The following CAMK1D variants were observed in gnomAD, a reference collection of about 807,000 sequenced individuals.
The protein encoded by CAMK1D is calcium/calmodulin-dependent protein kinase type 1D.
Under a neutral mutation model 47.7 loss-of-function variants are expected in CAMK1D, and 9 were observed. That is an observed-to-expected ratio of 0.19 (90% CI 0.11 to 0.33). CAMK1D has a LOEUF of 0.33. Among genes scored for constraint, CAMK1D ranks in the 10% least tolerant of loss-of-function variants. CAMK1D has a pLI of 1.00. For synonymous variants in CAMK1D, 184 were observed against 184.9 expected (o/e 0.99, Z 0.04); for missense variants, 291 against 488.7 (o/e 0.60, Z 3.81).
At chr10:12,814,109 G>A in intron 6 of CAMK1D, 86 bp from the exon 7 acceptor site, 1 of 875,968 alleles carries the variant, frequency 1.1e-6, no homozygotes, top group Non-Finnish European at 1.9e-6. Context: ...AACTCAGTTG[G>A]TAATGTCTCT....
At chr10:12,406,814 C>T (rs539658728) in intron 1 of CAMK1D, among the ~76,000 whole-genome samples, 5 of 149,676 alleles carry the variant, frequency 3.3e-5, no homozygotes, top group East Asian at 2.0e-4. Flanking sequence ...TCCATTGCTG[C>T]GTAATAAGTC....
chr10:12,587,858 C>T (rs1331396328), intron 2 of CAMK1D, among the ~76,000 whole-genome samples: 1 of 151,890 alleles, frequency 6.6e-6, no homozygotes, highest in Non-Finnish European at 1.5e-5. Flanking sequence ...TCAATAAACC[C>T]AGAGACATAA....
rs1307680988 is a variant in CAMK1D, at chr10:12,522,337, C to T, written c.93-30888C>T. On this transcript the variant is annotated intron_variant, in intron 1 of 10. Coordinates refer to ENST00000619168, the MANE Select transcript of CAMK1D (RefSeq NM_153498.4). ...GTCTCTGGTTTTCCTAGACAGAGGA[C>T]CCTGCGGCCCTCCGCAGTGTTTGTG... Among the ~76,000 whole-genome samples, 26 of 120,112 alleles carry T rather than the reference C, an allele frequency of 2.2e-4. 5 individuals carry two copies. Among genetic ancestry groups the T allele is most frequent in the Admixed American group, 1.5e-3 (18 of 12,334 alleles). The allele number at this position is 120,112 out of a possible 152,430, so 78.8% of individuals were successfully genotyped here. A position where few individuals can be genotyped will look rare whatever the true frequency, so the allele number is the denominator to read the frequency against.
chr10:12,552,327 AG>A (rs1170431129), intron 1 of CAMK1D, among the ~76,000 whole-genome samples: 12 of 152,242 alleles, frequency 7.9e-5, no homozygotes, highest in Non-Finnish European at 1.5e-4. Flanking sequence ...TGGTTTAAAA[AG>A]GATACAAGCT....
rs80253854 is a variant in CAMK1D at position 12,737,173 on chromosome 10, C to T, written c.300-23775C>T. On this transcript the variant is annotated intron_variant, in intron 3 of 10. Transcript: ENST00000619168. ...CGCCCCCATCCATCAGCTACTGCCT[C>T]TGACCTCTCACCTCTCTCTCCTCAG... 1.4e-3 allele frequency among the ~76,000 whole-genome samples: 206 copies of T among 152,238 alleles called. 1 individual carries two copies. Among genetic ancestry groups the T allele is most frequent in the African/African-American group, 4.6e-3 (191 of 41,536 alleles).
intron 3 of CAMK1D, among the ~76,000 whole-genome samples, chr10:12,760,292 A>G (rs968260956): frequency 2.0e-5 from 3 of 152,366 alleles, no homozygotes; most frequent in South Asian, 4.1e-4. Context: ...ATACAGCATC[A>G]CTAAAACCAA....
rs990094060 is a variant in CAMK1D, at chr10:12,797,251, T to A, written c.641+6018T>A. ...TCTTGCTTTGTCACCCAGGCTGGAGTGCAGTGGTGCAATCATAGTTCAATG... is the reference window on the plus strand; with the variant it reads ...TCTTGCTTTGTCACCCAGGCTGGAGAGCAGTGGTGCAATCATAGTTCAATG... On this transcript the variant is annotated intron_variant, in intron 6 of 10. Transcript: ENST00000619168. 7.4e-5 allele frequency among the ~76,000 whole-genome samples: 11 copies of A among 148,512 alleles called. 1 individual carries two copies. The highest frequency in any genetic ancestry group is 2.1e-4 in the Admixed American group (3 of 14,382).
intron 4 of CAMK1D, among the ~76,000 whole-genome samples, chr10:12,766,071 T>C (rs1278603681): frequency 6.6e-6 from 1 of 151,206 alleles, no homozygotes; most frequent in Non-Finnish European, 1.5e-5. Context: ...GTTCAAGTGA[T>C]TCTCCTGCCT....
intron 2 of CAMK1D, among the ~76,000 whole-genome samples, chr10:12,628,815 G>C (rs1232178967): frequency 6.6e-6 from 1 of 152,070 alleles, no homozygotes; most frequent in Non-Finnish European, 1.5e-5. Flanking sequence ...ATCTTTGGCT[G>C]CCACTGACCT....
chr10:12,631,111 T>G (rs1341972278), intron 2 of CAMK1D, among the ~76,000 whole-genome samples: 2 of 152,172 alleles, frequency 1.3e-5, no homozygotes, highest in Non-Finnish European at 2.9e-5. Context: ...CAGTGATTTT[T>G]GTGTGTATAA....
intron 2 of CAMK1D, among the ~76,000 whole-genome samples, chr10:12,604,468 T>C (rs1838392574): frequency 6.6e-6 from 1 of 152,208 alleles, no homozygotes; most frequent in Admixed American, 6.5e-5. Context: ...GAAGCTGAAC[T>C]TTTGCCTCAC....
In CAMK1D at chr10:12,829,004, A is replaced by G; in HGVS notation, c.*117A>G. The G allele has an allele frequency of 1.5e-6, 1 of 689,520 alleles. No homozygotes were observed. The highest frequency in any genetic ancestry group is 1.9e-5 in the South Asian group (1 of 51,790). The allele number at this position is 689,520 out of a possible 1,614,324, so 42.7% of individuals were successfully genotyped here. ...TGCATGGTGCCCCTTCCTGCATAGG[A>G]CTGGAAGACCGAAGTTTTTTTATGG... On this transcript the variant is annotated 3_prime_UTR_variant, in exon 11 of 11. Transcript: ENST00000619168.
intron 2 of CAMK1D, among the ~76,000 whole-genome samples, chr10:12,633,485 A>G (rs979424181): frequency 1.3e-5 from 2 of 152,166 alleles, no homozygotes. Flanking sequence ...CAGCGTCCTT[A>G]TATCCCTGAG....
intron 2 of CAMK1D, among the ~76,000 whole-genome samples, chr10:12,634,761 C>T (rs1355034047): frequency 6.6e-6 from 1 of 152,074 alleles, no homozygotes; most frequent in Non-Finnish European, 1.5e-5. Flanking sequence ...TCCTGCCGGC[C>T]CATCAGCTTT....
intron 5 of CAMK1D, among the ~76,000 whole-genome samples, chr10:12,774,241 AGAT>A (rs1194768944): frequency 6.6e-6 from 1 of 152,060 alleles, no homozygotes; most frequent in Non-Finnish European, 1.5e-5. Context: ...GAAGCAGAAA[AGAT>A]GATAAGAAGT....
At chr10:12,677,238 A>G (rs867633508) in intron 3 of CAMK1D, among the ~76,000 whole-genome samples, 7 of 152,226 alleles carry the variant, frequency 4.6e-5, no homozygotes, top group Admixed American at 1.3e-4. Flanking sequence ...AGTTTTAATT[A>G]GAACACAAAT....
intron 2 of CAMK1D, among the ~76,000 whole-genome samples, chr10:12,563,698 AGGGAGAGAGAGG>A (rs1272927366): frequency 4.3e-5 from 3 of 69,556 alleles, no homozygotes; most frequent in South Asian, 3.2e-4. Context: ...AGAGAGAGAG[AGGGAGAGAGAGG>A]GAGAGAGAGA....
At chr10:12,685,216 A>G (rs1483922180) in intron 3 of CAMK1D, among the ~76,000 whole-genome samples, 1 of 152,168 alleles carries the variant, frequency 6.6e-6, no homozygotes, top group African/African-American at 2.4e-5. Context: ...CAGGAGAAAC[A>G]CTTGAACCGG....
At chr10:12,447,684 A>T (rs1832960940) in intron 1 of CAMK1D, among the ~76,000 whole-genome samples, 1 of 152,220 alleles carries the variant, frequency 6.6e-6, no homozygotes, top group Admixed American at 6.5e-5. Context: ...CCTTGGTGAT[A>T]GAGTGAGATC....
Sources: allele counts gnomAD v4.1 joint callset (sites outside exome capture counted in the v4.1 genomes callset), GRCh38; gene constraint gnomAD v4.1.1; transcripts MANE v1.5; gene names NCBI Gene and HGNC (gene_info 2026-07-23, HGNC 2026-07-21).